The following CERS3 variants were observed in gnomAD, a reference collection of about 807,000 sequenced individuals.
CERS3 encodes ceramide synthase 3.
In CERS3, 33 loss-of-function variants were observed where a neutral mutation model predicts 50.3. That is an observed-to-expected ratio of 0.66 (90% CI 0.50 to 0.88). The LOEUF (loss-of-function observed/expected upper bound fraction) is 0.88. Among genes scored for constraint, CERS3 ranks in the 40% least tolerant of loss-of-function variants. The pLI is 0.00. For missense variants in CERS3, 470 were observed against 460.3 expected (o/e 1.02, Z -0.19); for synonymous variants, 176 against 155.2 (o/e 1.13, Z -0.99).
At chr15:100,467,014 C>T (rs978111640) in intron 10 of CERS3, among the ~76,000 whole-genome samples, 4 of 151,574 alleles carry the variant, frequency 2.6e-5, no homozygotes, top group East Asian at 1.9e-4. Flanking sequence ...CCACCACACC[C>T]GGCTAATTTT....
At chr15:100,503,500 A>C (rs2036072890) in intron 2 of CERS3, among the ~76,000 whole-genome samples, 1 of 152,188 alleles carries the variant, frequency 6.6e-6, no homozygotes, top group Admixed American at 6.5e-5. Flanking sequence ...GACCCACTGA[A>C]GGGTATTATG....
At chr15:100,544,399 GGGACACGGGCCC>G (rs1567697271) in intron 1 of CERS3, 1 of 130,048 alleles carries the variant, frequency 7.7e-6, no homozygotes, top group African/African-American at 3.1e-5. Context: ...GACCTCCGCG[GGGACACGGGCCC>G]TCTCTCGGCC....
chr15:100,499,665 T>A (rs1418513850), intron 3 of CERS3, among the ~76,000 whole-genome samples: 1 of 152,208 alleles, frequency 6.6e-6, no homozygotes, highest in Non-Finnish European at 1.5e-5. Flanking sequence ...CTTTGTTGTG[T>A]TAAATATATC....
chr15:100,533,672 C>G (rs2037000418), upstream of CERS3, among the ~76,000 whole-genome samples: 1 of 151,564 alleles, frequency 6.6e-6, no homozygotes, highest in Non-Finnish European at 1.5e-5. Context: ...ATTCTCCTGC[C>G]TCAGCCCCCC....
chr15:100,481,540 C>T (rs2035301521), intron 5 of CERS3, among the ~76,000 whole-genome samples: 1 of 152,214 alleles, frequency 6.6e-6, no homozygotes, highest in African/African-American at 2.4e-5. Context: ...GGTGCTCCCC[C>T]GGTGTTTATT....
At chr15:100,447,187 C>G (rs1000151287) in intron 11 of CERS3, among the ~76,000 whole-genome samples, 1 of 152,172 alleles carries the variant, frequency 6.6e-6, no homozygotes, top group South Asian at 2.1e-4. Context: ...GCACTGAAGT[C>G]AGCTACCTGG....
chr15:100,473,897 A>C (rs1376688938), intron 8 of CERS3, among the ~76,000 whole-genome samples: 1 of 152,262 alleles, frequency 6.6e-6, no homozygotes, highest in Non-Finnish European at 1.5e-5. Flanking sequence ...CCATCAACTG[A>C]TAAGAGGATG....
chr15:100,475,267 C>T (rs2035090116), intron 8 of CERS3, among the ~76,000 whole-genome samples: 1 of 152,186 alleles, frequency 6.6e-6, no homozygotes, highest in Non-Finnish European at 1.5e-5. Context: ...TTAAGATGTC[C>T]AGTTGACTGC....
chr15:100,418,403 C>A (rs560224706), intron 11 of CERS3, among the ~76,000 whole-genome samples: 4 of 150,626 alleles, frequency 2.7e-5, no homozygotes, highest in Admixed American at 6.6e-5. Flanking sequence ...AAGAAATGAG[C>A]AAAGCCTCCA....
At chr15:100,461,102 A>G (rs976714695) in intron 10 of CERS3, among the ~76,000 whole-genome samples, 1 of 152,194 alleles carries the variant, frequency 6.6e-6, no homozygotes, top group African/African-American at 2.4e-5. Context: ...TGTGAGAGCA[A>G]CAGGAAGCTT....
intron 1 of CERS3, among the ~76,000 whole-genome samples, chr15:100,539,095 A>G (rs1458509970): frequency 6.6e-6 from 1 of 152,222 alleles, no homozygotes; most frequent in African/African-American, 2.4e-5. Context: ...AAAGCATAGC[A>G]AGAGTCAACT....
intron 11 of CERS3, among the ~76,000 whole-genome samples, chr15:100,454,344 C>G (rs1329555403): frequency 6.9e-6 from 1 of 145,910 alleles, no homozygotes; most frequent in Non-Finnish European, 1.5e-5. Flanking sequence ...GAGTCATAAT[C>G]ATGCCCCTGC....
intron 1 of CERS3, among the ~76,000 whole-genome samples, chr15:100,541,602 G>T (rs577765565): frequency 1.3e-5 from 2 of 152,264 alleles, no homozygotes; most frequent in African/African-American, 4.8e-5. Context: ...AAATTTAGAT[G>T]TGAGCTAGCC....
At chr15:100,517,019 G>A (rs1194437873) in intron 2 of CERS3, among the ~76,000 whole-genome samples, 2 of 152,206 alleles carry the variant, frequency 1.3e-5, no homozygotes, top group South Asian at 2.1e-4. Flanking sequence ...TAGGGTAAGC[G>A]ATGTTTTCTA....
At chr15:100,460,596 G>T (rs1430927263) in intron 10 of CERS3, among the ~76,000 whole-genome samples, 3 of 152,122 alleles carry the variant, frequency 2.0e-5, no homozygotes, top group Non-Finnish European at 4.4e-5. Context: ...CACAACAAAA[G>T]TTTCCATGTA....
intron 1 of CERS3, among the ~76,000 whole-genome samples, chr15:100,543,500 T>TTCCTTCCC: frequency 6.8e-6 from 1 of 147,010 alleles, no homozygotes; most frequent in East Asian, 2.0e-4. Context: ...CCTTCCTTCC[T>TTCCTTCCC]TCCCTCCCTT....
At chr15:100,476,245 A>G (rs2035123402) in intron 7 of CERS3, 67 bp from the exon 8 acceptor site, 1 of 966,438 alleles carries the variant, frequency 1.0e-6, no homozygotes, top group Non-Finnish European at 1.6e-6. Flanking sequence ...TAATGCACTA[A>G]AACCTCCTTT....
intron 4 of CERS3, among the ~76,000 whole-genome samples, chr15:100,489,066 C>T (rs531367067): frequency 7.9e-5 from 12 of 152,358 alleles, no homozygotes; most frequent in Non-Finnish European, 1.3e-4. Context: ...TAAGCCACTG[C>T]GCCCAGCCAC....
At chr15:100,448,416 G>C (rs1013271983) in intron 11 of CERS3, among the ~76,000 whole-genome samples, 4 of 152,210 alleles carry the variant, frequency 2.6e-5, no homozygotes, top group African/African-American at 7.2e-5. Flanking sequence ...GTAAGTAAGA[G>C]ATCTCAGTAG....
Sources: gnomAD v4.1 joint callset for allele counts (sites outside exome capture counted in the v4.1 genomes callset) on GRCh38, gnomAD v4.1.1 for gene constraint, MANE v1.5 for transcripts, NCBI Gene and HGNC (gene_info 2026-07-23, HGNC 2026-07-21) for gene names.